CDH13: variants seen among roughly 807,000 people sequenced by gnomAD.
CDH13 encodes the protein cadherin-13.
CDH13 carries 24 observed loss-of-function variants against 63.8 expected under a neutral mutation model. The observed-to-expected ratio is 0.38, with a 90% confidence interval of 0.27 to 0.53. The LOEUF (loss-of-function observed/expected upper bound fraction) is 0.53. CDH13 is among the 20% of genes least tolerant of loss of function. The pLI is 0.85. For synonymous variants in CDH13, 503 were observed against 355.3 expected, an observed-to-expected ratio of 1.42 and a Z score of -4.67; for missense variants, 1,049 against 903.1, an observed-to-expected ratio of 1.16 and a Z score of -2.07.
chr16:83,349,344 G>A (rs554227044), intron 6 of CDH13, among the ~76,000 whole-genome samples: 1 of 152,074 alleles, frequency 6.6e-6, no homozygotes, highest in Non-Finnish European at 1.5e-5. Flanking sequence ...ATTCCTGGAG[G>A]GCACTAATTC....
At chr16:83,117,272 A>T (rs961179733) in intron 3 of CDH13, among the ~76,000 whole-genome samples, 1 of 151,832 alleles carries the variant, frequency 6.6e-6, no homozygotes, top group Non-Finnish European at 1.5e-5. Context: ...TGTCTCCTTC[A>T]CCTCACAGCG....
At chr16:82,800,225 C>G (rs557692628) in intron 1 of CDH13, among the ~76,000 whole-genome samples, 2 of 152,092 alleles carry the variant, frequency 1.3e-5, no homozygotes, top group African/African-American at 2.4e-5. Context: ...GAGATTATGA[C>G]AAAAAATAAT....
At chr16:83,214,818 C>T (rs574973544) in intron 4 of CDH13, among the ~76,000 whole-genome samples, 40 of 151,948 alleles carry the variant, frequency 2.6e-4, no homozygotes, top group South Asian at 1.5e-3. Context: ...AAAGATGAGG[C>T]GATGGACCGT....
chr16:83,002,137 T>C (rs559036051), intron 2 of CDH13, among the ~76,000 whole-genome samples: 1 of 152,350 alleles, frequency 6.6e-6, no homozygotes, highest in Admixed American at 6.5e-5. Context: ...TCCTAATCCC[T>C]AGAACCTGTG....
chr16:83,733,131 G>C (rs542148561), intron 10 of CDH13, among the ~76,000 whole-genome samples: 2 of 152,318 alleles, frequency 1.3e-5, no homozygotes, highest in South Asian at 4.1e-4. Context: ...ATAGAAGGTG[G>C]TCAAAGCGTA....
intron 2 of CDH13, 88 bp downstream of exon 2, chr16:82,858,561 T>C: frequency 1.1e-6 from 1 of 878,026 alleles, no homozygotes; most frequent in East Asian, 2.5e-5. Context: ...ATGTGGTATT[T>C]CCTAAACTAA....
intron 8 of CDH13, among the ~76,000 whole-genome samples, chr16:83,649,307 C>G (rs564952338): frequency 8.5e-5 from 13 of 152,314 alleles, no homozygotes; most frequent in African/African-American, 3.1e-4. Flanking sequence ...TATATTATTC[C>G]TTGATTGCAA....
At chr16:83,225,318 C>T (rs748406452) in intron 5 of CDH13, among the ~76,000 whole-genome samples, 26 of 152,198 alleles carry the variant, frequency 1.7e-4, no homozygotes, top group Non-Finnish European at 2.9e-4. Context: ...GCTTATTTCT[C>T]CTGGTGCTCC....
At chr16:82,842,141 CAT>C (rs1170008694) in intron 1 of CDH13, among the ~76,000 whole-genome samples, 2,482 of 62,204 alleles carry the variant, frequency 0.04, 185 homozygotes, top group African/African-American at 0.12. Context: ...TATATATACA[CAT>C]ATATATATAT....
Position 83,131,195 on chromosome 16 carries a change from C to T in CDH13, c.483+5694C>T, listed in dbSNP as rs889371045. Among the ~76,000 whole-genome samples the T allele has an allele frequency of 4.6e-5, 6 of 129,688 alleles. No individual in the cohort carries two copies. In the South Asian group the frequency reaches 9.9e-4, roughly 21 times the overall value. 85.1% of individuals were successfully genotyped at this position (129,688 alleles called of 152,430 possible). A position where few individuals can be genotyped will look rare whatever the true frequency, so the allele number is the denominator to read the frequency against. On this transcript the variant is annotated intron_variant, in intron 4 of 13. Transcript: ENST00000567109. ...AGGGGGTGTATGACCCCCCCCCCCC[C>T]CCCCCCGCCCACAGACACACACAGG... is the stretch of plus-strand genomic sequence containing the variant.
At chr16:82,692,305 A>G (rs1294950501) in intron 1 of CDH13, among the ~76,000 whole-genome samples, 1 of 152,228 alleles carries the variant, frequency 6.6e-6, no homozygotes, top group Non-Finnish European at 1.5e-5. Flanking sequence ...CACCCTGCTT[A>G]GTAAAGACAT....
At chr16:82,735,447 GT>G (rs1301800571) in intron 1 of CDH13, among the ~76,000 whole-genome samples, 3 of 152,176 alleles carry the variant, frequency 2.0e-5, no homozygotes, top group African/African-American at 7.2e-5. Flanking sequence ...AAACAATACA[GT>G]TATTTATGCG....
chr16:83,484,776 T>A (rs1410625481), intron 6 of CDH13, among the ~76,000 whole-genome samples: 1 of 152,226 alleles, frequency 6.6e-6, no homozygotes, highest in Non-Finnish European at 1.5e-5. Context: ...TTGTGGCATG[T>A]TCTGTGTGTA....
At chr16:82,920,883 C>T (rs538362763) in intron 2 of CDH13, among the ~76,000 whole-genome samples, 1 of 152,140 alleles carries the variant, frequency 6.6e-6, no homozygotes, top group Non-Finnish European at 1.5e-5. Flanking sequence ...CAGATGTGCT[C>T]TTTATCATAT....
chr16:83,769,137 G>C (rs994179954), intron 11 of CDH13, among the ~76,000 whole-genome samples: 2 of 152,210 alleles, frequency 1.3e-5, no homozygotes, highest in African/African-American at 4.8e-5. Flanking sequence ...AGAGTACAGG[G>C]TGAAGTCATA....
chr16:82,803,753 A>C (rs936939228), intron 1 of CDH13, among the ~76,000 whole-genome samples: 2 of 151,116 alleles, frequency 1.3e-5, no homozygotes, highest in African/African-American at 2.5e-5. Flanking sequence ...GATTCCACTT[A>C]TATGAGGTAT....
chr16:83,209,099 G>A (rs867604512), intron 4 of CDH13, among the ~76,000 whole-genome samples: 1 of 152,184 alleles, frequency 6.6e-6, no homozygotes, highest in African/African-American at 2.4e-5. Flanking sequence ...GCGATGAGAC[G>A]AGGGGTTTTA....
chr16:82,945,828 T>A (rs1219118789), intron 2 of CDH13, among the ~76,000 whole-genome samples: 1 of 152,150 alleles, frequency 6.6e-6, no homozygotes, highest in Non-Finnish European at 1.5e-5. Flanking sequence ...AGAGGCACCG[T>A]GTTAGAGAGT....
intron 1 of CDH13, among the ~76,000 whole-genome samples, chr16:82,704,911 T>C (rs1179204666): frequency 6.6e-6 from 1 of 152,198 alleles, no homozygotes; most frequent in Non-Finnish European, 1.5e-5. Context: ...CAGTATTTGT[T>C]AATTGTAACA....
Sources: allele counts gnomAD v4.1 joint callset (sites outside exome capture counted in the v4.1 genomes callset), GRCh38; gene constraint gnomAD v4.1.1; transcripts MANE v1.5; gene names NCBI Gene and HGNC (gene_info 2026-07-23, HGNC 2026-07-21).